The following SPTLC1 variants were observed in gnomAD, a reference collection of about 807,000 sequenced individuals.
SPTLC1 encodes serine palmitoyltransferase 1.
A neutral mutation model predicts 68.9 loss-of-function variants in SPTLC1; 55 were observed. That is an observed-to-expected ratio of 0.80 (90% CI 0.64 to 1.00). The LOEUF is 1.00. Ranked by LOEUF, SPTLC1 falls within the 50% of genes least tolerant of loss-of-function variation. SPTLC1 has a pLI of 0.00. For missense variants in SPTLC1, 449 were observed against 573.1 expected, an observed-to-expected ratio of 0.78 and a Z score of 2.21; for synonymous variants, 197 against 201.6, an observed-to-expected ratio of 0.98 and a Z score of 0.19.
chr9:92,047,372 G>T, intron 10 of SPTLC1, 104 bp from the exon 11 acceptor site: 1 of 950,560 alleles, frequency 1.1e-6, no homozygotes, highest in Non-Finnish European at 1.7e-6. Flanking sequence ...GTGTGTACAT[G>T]TGGTGAGGGG....
chr9:92,087,105 A>G lies in SPTLC1; in HGVS notation c.261-6142T>C, dbSNP rs201644935. Among the ~76,000 whole-genome samples the G allele has an allele frequency of 3.2e-4, 49 of 152,184 alleles. No individual in the cohort carries two copies. The East Asian group carries it at 8.9e-3, about 28-fold the overall frequency. On this transcript the variant is annotated intron_variant, in intron 3 of 14. Transcript: ENST00000262554. ...GCTTTCAGCTCCATCAGCTCCTTTAAGCACTTCTCTGTATTGGTTATTCTA... is the reference window on the plus strand; with the variant it reads ...GCTTTCAGCTCCATCAGCTCCTTTAGGCACTTCTCTGTATTGGTTATTCTA...
chr9:92,043,267 T>C (rs1203335816), intron 12 of SPTLC1, among the ~76,000 whole-genome samples: 1 of 152,212 alleles, frequency 6.6e-6, no homozygotes, highest in Non-Finnish European at 1.5e-5. Context: ...CTCTAGGCTC[T>C]TCCAGCCTGC....
At chr9:92,042,230 C>CTAT (rs1833375643) in intron 12 of SPTLC1, among the ~76,000 whole-genome samples, 1 of 152,164 alleles carries the variant, frequency 6.6e-6, no homozygotes, top group Non-Finnish European at 1.5e-5. Flanking sequence ...GGAATGTTTG[C>CTAT]TATTATTGCC....
chr9:92,053,617 A>G (rs1353090238), intron 8 of SPTLC1, among the ~76,000 whole-genome samples: 4 of 152,258 alleles, frequency 2.6e-5, no homozygotes, highest in African/African-American at 9.6e-5. Context: ...CATGGTATAC[A>G]ATGTTAATGA....
chr9:92,110,388 CCT>C (rs1836186159), intron 2 of SPTLC1: 1 of 152,156 alleles, frequency 6.6e-6, no homozygotes, highest in African/African-American at 2.4e-5. Context: ...TATTCCTACC[CCT>C]GCCATGAGCC....
intron 6 of SPTLC1, among the ~76,000 whole-genome samples, chr9:92,061,404 A>C (rs1241517929): frequency 6.6e-6 from 1 of 152,232 alleles, no homozygotes; most frequent in Non-Finnish European, 1.5e-5. Context: ...ACCAGCAAAA[A>C]TATCCTTTAG....
chr9:92,061,666 G>A (rs1312868349), intron 6 of SPTLC1, among the ~76,000 whole-genome samples: 1 of 152,110 alleles, frequency 6.6e-6, no homozygotes, highest in Non-Finnish European at 1.5e-5. Context: ...TTAAAACACT[G>A]ATGTGGTTCT....
At position 92,096,140 on chromosome 9, in the gene SPTLC1, C is replaced by A. The variant is rs931103911; in HGVS notation, c.260+12600G>T. Among the ~76,000 whole-genome samples, 5 of 152,246 alleles carry A rather than the reference C, an allele frequency of 3.3e-5. 1 individual carries two copies. Among genetic ancestry groups the A allele is most frequent in the Middle Eastern group, 6.8e-3 (2 of 294 alleles). On this transcript the variant is annotated intron_variant, in intron 3 of 14. Coordinates refer to ENST00000262554, the MANE Select transcript of SPTLC1 (RefSeq NM_006415.4). ...ATGGTGGAAAGCAGCTTTTTACCTG[C>A]AAAGTAATAGACTAGAGGACTCCTC...
chr9:92,036,201 T>G (rs759386128), intron 13 of SPTLC1, among the ~76,000 whole-genome samples: 14 of 152,224 alleles, frequency 9.2e-5, no homozygotes, highest in Non-Finnish European at 2.1e-4. Context: ...GATTGTTCTC[T>G]TCTCACTCAA....
At chr9:92,051,689 A>G (rs1412707688) in intron 8 of SPTLC1, among the ~76,000 whole-genome samples, 1 of 152,380 alleles carries the variant, frequency 6.6e-6, no homozygotes, top group East Asian at 1.9e-4. Flanking sequence ...ATCTCTATTC[A>G]CAGATGGTGT....
chr9:92,080,349 A>G (rs1834834710), intron 4 of SPTLC1, among the ~76,000 whole-genome samples: 1 of 152,146 alleles, frequency 6.6e-6, no homozygotes, highest in African/African-American at 2.4e-5. Flanking sequence ...CACAATCCCA[A>G]TAGGAGAGAG....
At chr9:92,065,450 A>G (rs981501749) in intron 6 of SPTLC1, among the ~76,000 whole-genome samples, 14 of 152,174 alleles carry the variant, frequency 9.2e-5, no homozygotes, top group African/African-American at 3.4e-4. Flanking sequence ...TTAGCAACTC[A>G]CTGGAAATGG....
intron 3 of SPTLC1, chr9:92,105,432 G>T: frequency 1.4e-6 from 2 of 1,428,760 alleles, no homozygotes; most frequent in Non-Finnish European, 1.9e-6. Flanking sequence ...CAGGGCAGGC[G>T]TGGTGGCCCA....
chr9:92,050,967 C>A (rs1301108050), intron 8 of SPTLC1: 44 of 984,628 alleles, frequency 4.5e-5, no homozygotes, highest in Non-Finnish European at 5.3e-5. Context: ...TGTGAGCCAC[C>A]ATGCCCAGCT....
At chr9:92,104,867 G>C in intron 3 of SPTLC1, 2 of 1,532,532 alleles carry the variant, frequency 1.3e-6, no homozygotes, top group Non-Finnish European at 1.7e-6. Flanking sequence ...CAACCAGACT[G>C]ACAAGGCCCA....
At chr9:92,055,295 C>T (rs147538667) in intron 8 of SPTLC1, 110 bp downstream of exon 8, 2 of 1,551,044 alleles carry the variant, frequency 1.3e-6, no homozygotes, top group Non-Finnish European at 1.7e-6. Context: ...GCTTATGAGG[C>T]CTAATGCGCA....
chr9:92,085,046 T>G (rs1248877284), intron 3 of SPTLC1, among the ~76,000 whole-genome samples: 1 of 151,452 alleles, frequency 6.6e-6, no homozygotes, highest in African/African-American at 2.4e-5. Flanking sequence ...TTTGTAGTAT[T>G]CTCTGATGGT....
chr9:92,079,646 T>A, intron 5 of SPTLC1: 4 of 1,297,932 alleles, frequency 3.1e-6, no homozygotes, highest in Non-Finnish European at 4.5e-6. Flanking sequence ...TTCCTAGAGC[T>A]GTTTCTCAGC....
intron 7 of SPTLC1, among the ~76,000 whole-genome samples, chr9:92,056,086 T>G (rs116768881): frequency 0.017 from 2,663 of 152,300 alleles, 67 homozygotes; most frequent in African/African-American, 0.06. Context: ...TAACAAAAAG[T>G]TAAAAAACTC....
Sources: allele counts gnomAD v4.1 joint callset (sites outside exome capture counted in the v4.1 genomes callset), GRCh38; gene constraint gnomAD v4.1.1; transcripts MANE v1.5; gene names NCBI Gene and HGNC (gene_info 2026-07-23, HGNC 2026-07-21).